Variants in SATB1 observed in about 807,000 individuals in gnomAD.
SATB1 encodes the protein SATB homeobox 1, also known as DNA-binding protein SATB1.
SATB1 carries 11 observed loss-of-function variants against 86.9 expected under a neutral mutation model. That is an observed-to-expected ratio of 0.13 (90% CI 0.08 to 0.21). The LOEUF (loss-of-function observed/expected upper bound fraction) is 0.21. Ranked by LOEUF, SATB1 falls within the 10% of genes least tolerant of loss-of-function variation. The pLI, the probability that SATB1 is intolerant of heterozygous loss-of-function variation, is 1.00. For missense variants in SATB1, 551 were observed against 937.6 expected, an observed-to-expected ratio of 0.59 and a Z score of 5.39; for synonymous variants, 357 against 357.2, an observed-to-expected ratio of 1.00 and a Z score of 0.01.
upstream of SATB1, among the ~76,000 whole-genome samples, chr3:18,426,377 G>A (rs1392687997): frequency 6.6e-6 from 1 of 152,124 alleles, no homozygotes; most frequent in Non-Finnish European, 1.5e-5. The surrounding 1 kb of genome is among the most constrained non-coding windows in gnomAD (Gnocchi z 4.2). Context: ...TTATTATAAA[G>A]GAAAAGATGC....
At position 18,349,660 on chromosome 3, in the gene SATB1, T is replaced by G; in HGVS notation, c.1802A>C (p.Gln601Pro). Reference sequence around the variant, plus strand: ...CGGTGCCTGCTGCTGCTGCTGCTGCTGTTGCTGTTGCTGCTGCTGTTGCTG... The same window carrying G: ...CGGTGCCTGCTGCTGCTGCTGCTGCGGTTGCTGTTGCTGCTGCTGTTGCTG... The part of the protein sequence containing the change: ...QIQQQQQQQQ[Q>P]QQQQQQAPPP... The change falls in exon 11 of 11, where the codon CAG becomes CCG. Residue 601 changes from glutamine (Q) to proline (P), a missense_variant. Physicochemically the swap from Gln to Pro is moderately conservative, Grantham distance 76 (BLOSUM62 -1). This residue lies in a region of SATB1 where 87 missense variants were observed against 103.6 expected (regional missense o/e 0.84). Coordinates refer to ENST00000338745, the MANE Select transcript of SATB1 (RefSeq NM_002971.6). This position sits in a 1 kb window ranked among gnomAD's most constrained non-coding sequence, Gnocchi z 5.5. 2.5e-6 allele frequency: 4 copies of G among 1,607,972 alleles called. No individual in the cohort carries two copies. Among genetic ancestry groups the G allele is most frequent in the Non-Finnish European group, 3.4e-6 (4 of 1,177,316 alleles).
At chr3:18,434,902 T>G (rs1699010150) in intron 2 of SATB1, 1 of 152,110 alleles carries the variant, frequency 6.6e-6, no homozygotes, top group Admixed American at 6.5e-5. Context: ...AAGAGAAACT[T>G]TAACTCACCA....
intron 6 of SATB1, among the ~76,000 whole-genome samples, 180 bp from the exon 7 acceptor site, chr3:18,395,096 A>G (rs1428586000): frequency 6.6e-6 from 1 of 152,158 alleles, no homozygotes. Context: ...TTCCTGAACA[A>G]TTCTACAAAC....
chr3:18,356,728 G>A (rs551062894), intron 9 of SATB1, among the ~76,000 whole-genome samples: 1 of 151,900 alleles, frequency 6.6e-6, no homozygotes, highest in Non-Finnish European at 1.5e-5. Context: ...TTTAATTCAA[G>A]TCAATTCGCT....
In SATB1 at chr3:18,437,191, C is replaced by G. The variant is rs73177758; in HGVS notation, c.-107-320G>C. Among the ~76,000 whole-genome samples the G allele has an allele frequency of 3.3e-3, 507 of 151,986 alleles. 2 individuals are homozygous for G. The highest frequency in any genetic ancestry group is 0.012 in the African/African-American group (483 of 41,452). ...AGAGGAGCAAAATCAATTAAATAAG[C>G]TTTTAATGGATTATGTTGGCCGAAG... On this transcript the variant is annotated intron_variant, in intron 1 of 3. Coordinates refer to the SATB1 transcript ENST00000414509.
intron 8 of SATB1, among the ~76,000 whole-genome samples, chr3:18,382,251 TAA>T (rs1452639285): frequency 2.0e-5 from 3 of 152,014 alleles, no homozygotes; most frequent in Non-Finnish European, 4.4e-5. Flanking sequence ...GGTAATTACA[TAA>T]AGAGATGTAA....
chr3:18,357,705 TTAA>T (rs1283615281), intron 9 of SATB1, among the ~76,000 whole-genome samples: 1 of 151,868 alleles, frequency 6.6e-6, no homozygotes, highest in Non-Finnish European at 1.5e-5. Flanking sequence ...TGCCAAGTGA[TTAA>T]TAATGTTTTA....
rs114201535 is a variant in SATB1 at position 18,371,353 on chromosome 3, G to T, written c.1575+6817C>A. ...ACATGGTATGTAATTATAAATTACA[G>T]AGTAGTTATATGTCTACTAATCTCT... On this transcript the variant is annotated intron_variant, in intron 9 of 10. Coordinates refer to ENST00000338745, the MANE Select transcript of SATB1 (RefSeq NM_002971.6). Among the ~76,000 whole-genome samples the T allele has an allele frequency of 2.0e-5, 3 of 152,126 alleles. No individual in the cohort carries two copies. The East Asian group carries it at 5.8e-4, about 29-fold the overall frequency.
At chr3:18,370,932 C>T (rs530493966) in intron 9 of SATB1, among the ~76,000 whole-genome samples, 50 of 152,332 alleles carry the variant, frequency 3.3e-4, no homozygotes, top group Admixed American at 3.3e-4. Context: ...ATTAGAACCA[C>T]GCTAATTATC....
chr3:18,428,313 ATAACCCATTAATCCAT>A (rs1162897901), upstream of SATB1, among the ~76,000 whole-genome samples: 8 of 152,118 alleles, frequency 5.3e-5, no homozygotes, highest in African/African-American at 1.9e-4. Context: ...CACTCCCATG[ATAACCCATTAATCCAT>A]TAACCCATTA....
intron 9 of SATB1, among the ~76,000 whole-genome samples, chr3:18,357,692 AG>A (rs1694716814): frequency 6.6e-6 from 1 of 151,826 alleles, no homozygotes; most frequent in Admixed American, 6.6e-5. Context: ...GATATCACAA[AG>A]ATGCCAAGTG....
At chr3:18,385,467 A>G (rs1415424490) in intron 8 of SATB1, among the ~76,000 whole-genome samples, 1 of 151,912 alleles carries the variant, frequency 6.6e-6, no homozygotes, top group Non-Finnish European at 1.5e-5. Context: ...CTAAAAACAC[A>G]AAAAAATTAG....
At chr3:18,416,644 GATT>G (rs1698127259) in intron 3 of SATB1, among the ~76,000 whole-genome samples, 1 of 152,014 alleles carries the variant, frequency 6.6e-6, no homozygotes, top group South Asian at 2.1e-4. Flanking sequence ...CAGTGGAGCA[GATT>G]ATTAAGGTCA....
intron 2 of SATB1, among the ~76,000 whole-genome samples, chr3:18,419,100 G>C (rs990311979): frequency 7.9e-5 from 12 of 152,074 alleles, no homozygotes; most frequent in African/African-American, 2.9e-4. Flanking sequence ...AAATATATTG[G>C]ATTTATTGTG....
At chr3:18,412,731 C>G (rs573015109) in intron 5 of SATB1, among the ~76,000 whole-genome samples, 1 of 151,978 alleles carries the variant, frequency 6.6e-6, no homozygotes, top group African/African-American at 2.4e-5. Flanking sequence ...GTAGTTTTGT[C>G]AAACTTGGCA....
chr3:18,441,304 G>A (rs1000783579), upstream of SATB1, among the ~76,000 whole-genome samples: 2 of 152,062 alleles, frequency 1.3e-5, no homozygotes, highest in African/African-American at 4.8e-5. Flanking sequence ...ATATTTCGTG[G>A]CAGCATTTAA....
chr3:18,360,604 T>C (rs895982752), intron 9 of SATB1, among the ~76,000 whole-genome samples: 1 of 152,088 alleles, frequency 6.6e-6, no homozygotes, highest in Non-Finnish European at 1.5e-5. Flanking sequence ...AATAAAATGA[T>C]TATATCTCAT....
chr3:18,441,526 T>C (rs1330085657), upstream of SATB1, among the ~76,000 whole-genome samples: 1 of 152,186 alleles, frequency 6.6e-6, no homozygotes, highest in East Asian at 1.9e-4. Context: ...CAAGTGCTAA[T>C]ATATTAATTA....
chr3:18,386,269 T>A lies in SATB1; in HGVS notation c.1419+130A>T. 2.7e-6 allele frequency: 2 copies of A among 731,440 alleles called. No homozygotes were observed. The highest frequency in any genetic ancestry group is 4.5e-6 in the Non-Finnish European group (2 of 445,408). The allele number at this position is 731,440 out of a possible 1,614,324, so 45.3% of individuals were successfully genotyped here. A position where few individuals can be genotyped will look rare whatever the true frequency, so the allele number is the denominator to read the frequency against. On this transcript the variant is annotated intron_variant, in intron 8 of 10. Coordinates refer to ENST00000338745, the MANE Select transcript of SATB1 (RefSeq NM_002971.6). This position sits in a 1 kb window ranked among gnomAD's most constrained non-coding sequence, Gnocchi z 4.5. ...TTAATGATTTGGGACCAAATTCTCCTCAAGCAACTATACGAATTTAAAAAC... is the reference window on the plus strand; with the variant it reads ...TTAATGATTTGGGACCAAATTCTCCACAAGCAACTATACGAATTTAAAAAC...
Sources: allele counts gnomAD v4.1 joint callset (sites outside exome capture counted in the v4.1 genomes callset), GRCh38; gene constraint gnomAD v4.1.1; regional missense constraint gnomAD v4.1.1; non-coding constraint Gnocchi (gnomAD v3.1); transcripts MANE v1.5; gene names NCBI Gene and HGNC (gene_info 2026-07-23, HGNC 2026-07-21).